The following PCDHGB3 variants were observed in gnomAD, a reference collection of about 807,000 sequenced individuals.
PCDHGB3 encodes protocadherin gamma subfamily B, 3.
PCDHGB3 carries 40 observed loss-of-function variants against 59.2 expected under a neutral mutation model. The observed-to-expected ratio is 0.68, with a 90% CI of 0.52 to 0.88. The LOEUF is 0.88. Among genes scored for constraint, PCDHGB3 ranks in the 40% least tolerant of loss-of-function variants. PCDHGB3 has a pLI of 0.00. For synonymous variants in PCDHGB3, 581 were observed against 503.6 expected, an observed-to-expected ratio of 1.15 and a Z score of -2.06; for missense variants, 1,309 against 1,187.9, an observed-to-expected ratio of 1.10 and a Z score of -1.50.
At chr5:141,399,655 G>A in intron 1 of PCDHGB3, 2 of 1,613,730 alleles carry the variant, frequency 1.2e-6, no homozygotes, top group South Asian at 1.1e-5. Context: ...AAGTGGGGTG[G>A]TGTTCGCGCA....
intron 1 of PCDHGB3, chr5:141,387,952 C>G: frequency 2.0e-6 from 3 of 1,491,568 alleles, no homozygotes; most frequent in Non-Finnish European, 2.7e-6. Flanking sequence ...TTCCTGCTGT[C>G]TTTGTTCTGC....
At chr5:141,390,249 C>A (rs749702926) in intron 1 of PCDHGB3, 1 of 1,614,046 alleles carries the variant, frequency 6.2e-7, no homozygotes, top group South Asian at 1.1e-5. Context: ...CTTATTTCCA[C>A]TTTGTAATTC....
At chr5:141,452,017 C>T (rs181614467) in intron 1 of PCDHGB3, among the ~76,000 whole-genome samples, 10 of 152,344 alleles carry the variant, frequency 6.6e-5, no homozygotes, top group Non-Finnish European at 1.2e-4. Flanking sequence ...CCAGCCCACA[C>T]TCTGGGGAGA....
intron 1 of PCDHGB3, among the ~76,000 whole-genome samples, chr5:141,405,811 ACTGT>A (rs56926516): frequency 0.18 from 26,617 of 151,870 alleles, 2,510 homozygotes; most frequent in Admixed American, 0.28. Flanking sequence ...TTTCTCTTTA[ACTGT>A]CTGTACTTAA....
chr5:141,392,916 G>A, intron 1 of PCDHGB3: 1 of 1,613,936 alleles, frequency 6.2e-7, no homozygotes, highest in Non-Finnish European at 8.5e-7. Context: ...TCGCTACTCT[G>A]TGCCAGAAGA....
chr5:141,418,058 C>A (rs2096216434), intron 1 of PCDHGB3: 1 of 1,613,872 alleles, frequency 6.2e-7, no homozygotes, highest in Non-Finnish European at 8.5e-7. Flanking sequence ...TCGCGAGCTG[C>A]GAGTGAGCGC....
intron 1 of PCDHGB3, among the ~76,000 whole-genome samples, chr5:141,401,533 C>T (rs998579261): frequency 5.9e-5 from 9 of 151,790 alleles, no homozygotes; most frequent in South Asian, 2.1e-4. Context: ...AAGAAACTTA[C>T]AAAAAAAAGG....
At position 141,372,615 on chromosome 5, in the gene PCDHGB3, C is replaced by T. The variant is rs1244865693; in HGVS notation, c.2221C>T (p.Pro741Ser). The change falls in exon 1 of 4, where the codon CCC becomes TCC. Residue 741 changes from proline (P) to serine (S), a missense_variant. Pro to Ser is a moderately conservative substitution (Grantham distance 74). Transcript: ENST00000576222. ...VCFKTVPGVL[P>S]TYSERTLPYS... is the part of the protein sequence containing the mutation. ...CTTCAAGACTGTACCTGGAGTTCTC[C>T]CCACCTACAGCGAAAGGACTTTGCC... The T allele has an allele frequency of 6.2e-7, 1 of 1,613,968 alleles. No homozygotes were observed. Among genetic ancestry groups the T allele is most frequent in the South Asian group, 1.1e-5 (1 of 91,082 alleles).
rs550977374 is a variant in PCDHGB3, at chr5:141,447,118, G to A, written c.2416-47689G>A. 9.2e-5 allele frequency among the ~76,000 whole-genome samples: 14 copies of A among 151,984 alleles called. No individual in the cohort carries two copies. The East Asian group carries it at 2.7e-3, about 29-fold the overall frequency. ...TTCACATGATTATATGTGCTCCATGGATTTTTTTGTTTGTTTGTTTTTTGT... is the reference window on the plus strand; with the variant it reads ...TTCACATGATTATATGTGCTCCATGAATTTTTTTGTTTGTTTGTTTTTTGT... On this transcript the variant is annotated intron_variant, in intron 1 of 3. Transcript: ENST00000576222.
Position 141,490,226 on chromosome 5 carries a change from C to T in PCDHGB3, c.2416-4581C>T. On this transcript the variant is annotated intron_variant, in intron 1 of 3. Coordinates refer to ENST00000576222, the MANE Select transcript of PCDHGB3 (RefSeq NM_018924.5). This position sits in a 1 kb window ranked among gnomAD's most constrained non-coding sequence, Gnocchi z 5.4. ...AGAGCCCGTGACCAGGGACAGCCTG[C>T]CATGGAGGGCCACTGTGTGATTCAA... The T allele has an allele frequency of 6.2e-7, 1 of 1,614,168 alleles. No homozygotes were observed. Among genetic ancestry groups the T allele is most frequent in the Non-Finnish European group, 8.5e-7 (1 of 1,180,020 alleles).
intron 1 of PCDHGB3, chr5:141,441,752 C>A (rs1043293959): frequency 5.3e-6 from 2 of 377,970 alleles, no homozygotes; most frequent in Non-Finnish European, 5.3e-6. Flanking sequence ...TCGGCGTCAA[C>A]GTGAGCCTGC....
Position 141,385,307 on chromosome 5 carries a change from A to G in PCDHGB3, c.2415+12498A>G, listed in dbSNP as rs766207712. The stretch of plus-strand genomic sequence containing the variant: ...GTAGATTTTCAGGAATGTAAAGAAA[A>G]CCTGCCAAGTATTCAGGTGAGCCCA... On this transcript the variant is annotated intron_variant, in intron 1 of 3. Transcript: ENST00000576222. 19 of 1,612,402 alleles carry G rather than the reference A, an allele frequency of 1.2e-5. No homozygotes were observed. Among genetic ancestry groups the G allele is most frequent in the African/African-American group, 2.7e-5 (2 of 74,932 alleles).
At chr5:141,397,813 A>G (rs2093571371) in intron 1 of PCDHGB3, among the ~76,000 whole-genome samples, 2 of 152,216 alleles carry the variant, frequency 1.3e-5, no homozygotes, top group Non-Finnish European at 2.9e-5. Flanking sequence ...GCACACAAAA[A>G]CAATTACTGC....
chr5:141,497,413 T>C (rs572922456), intron 2 of PCDHGB3, among the ~76,000 whole-genome samples: 8 of 152,046 alleles, frequency 5.3e-5, no homozygotes, highest in Admixed American at 5.2e-4. Context: ...TCCCATTCCA[T>C]CAAATGAGAG....
Position 141,372,197 on chromosome 5 carries a change from C to T in PCDHGB3, c.1803C>T (p.Asn601=), listed in dbSNP as rs57763341. 308 of 1,613,590 alleles carry T rather than the reference C, an allele frequency of 1.9e-4. No individual in the cohort carries two copies. The East Asian group carries it at 3.9e-3, about 20-fold the overall frequency. Residue 601 remains asparagine (N), a synonymous_variant, in exon 1 of 4, where the codon AAC becomes AAT. Transcript: ENST00000576222. ...CGGTGGACGCAGACTCGGGATACAA[C>T]GCCTGGCTGTCCTACCACATTGTGC... is the stretch of plus-strand genomic sequence containing the variant. ...VVAVDADSGY[N]AWLSYHIVQA...
chr5:141,476,850 A>C lies in PCDHGB3; in HGVS notation c.2416-17957A>C, dbSNP rs747333239. Reference sequence around the variant, plus strand: ...GCGAATGACAATGCGCCTGTCTTCAACCAGTCCTTGTACCGGGCGCGCGTC... The same window carrying C: ...GCGAATGACAATGCGCCTGTCTTCACCCAGTCCTTGTACCGGGCGCGCGTC... On this transcript the variant is annotated intron_variant, in intron 1 of 3. Transcript: ENST00000576222. The surrounding 1 kb of genome is among the most constrained non-coding windows in gnomAD (Gnocchi z 7.6). The C allele has an allele frequency of 5.6e-6, 9 of 1,613,718 alleles. No individual in the cohort carries two copies. Among genetic ancestry groups the C allele is most frequent in the Non-Finnish European group, 7.6e-6 (9 of 1,180,054 alleles).
At chr5:141,395,076 C>A (rs1384743817) in intron 1 of PCDHGB3, 1 of 1,614,142 alleles carries the variant, frequency 6.2e-7, no homozygotes, top group Admixed American at 1.7e-5. Context: ...GACCTATTCC[C>A]AGGAAGTCTC....
In PCDHGB3 at chr5:141,511,599, C is replaced by G; in HGVS notation, c.*426C>G. 4.0e-6 allele frequency: 1 copy of G among 252,540 alleles called. No homozygotes were observed. Among genetic ancestry groups the G allele is most frequent in the South Asian group, 5.2e-5 (1 of 19,398 alleles). 15.6% of individuals were successfully genotyped at this position (252,540 alleles called of 1,614,324 possible). ...GTTGGGGTGTTGAAGTACCAAGTAA[C>G]CTACAAGCCTCCTAGTTCTGAAAAG... On this transcript the variant is annotated 3_prime_UTR_variant, in exon 4 of 4. Coordinates refer to ENST00000576222, the MANE Select transcript of PCDHGB3 (RefSeq NM_018924.5).
chr5:141,384,528 C>A (rs1443944722), intron 1 of PCDHGB3: 2 of 1,614,136 alleles, frequency 1.2e-6, no homozygotes, highest in Admixed American at 3.3e-5. Flanking sequence ...CGCCTCTCAG[C>A]AGCAACATGT....
Sources: gnomAD v4.1 joint callset for allele counts (sites outside exome capture counted in the v4.1 genomes callset) on GRCh38, gnomAD v4.1.1 for gene constraint, Gnocchi (gnomAD v3.1) non-coding constraint, MANE v1.5 for transcripts, NCBI Gene and HGNC (gene_info 2026-07-23, HGNC 2026-07-21) for gene names.